Variants in RBFOX1 observed in about 807,000 individuals in gnomAD.
RBFOX1 encodes the protein RNA binding protein fox-1 homolog 1.
In RBFOX1, 8 loss-of-function variants were observed where a neutral mutation model predicts 57.7. The ratio of observed to expected loss-of-function variants is 0.14; its 90% CI spans 0.08 to 0.25. RBFOX1 has a LOEUF of 0.25. RBFOX1 is among the 10% of genes least tolerant of loss of function. The pLI is 1.00. For missense variants in RBFOX1, 611 were observed against 548.5 expected, an observed-to-expected ratio of 1.11 and a Z score of -1.14; for synonymous variants, 326 against 222.4, an observed-to-expected ratio of 1.47 and a Z score of -4.15.
At chr16:6,425,568 A>G (rs2093901823) in intron 2 of RBFOX1, among the ~76,000 whole-genome samples, 1 of 152,130 alleles carries the variant, frequency 6.6e-6, no homozygotes, top group Non-Finnish European at 1.5e-5. Context: ...CTACCAAAGA[A>G]AAACAAGTTT....
At chr16:7,517,465 A>G (rs1174219559) in intron 4 of RBFOX1, among the ~76,000 whole-genome samples, 2 of 151,888 alleles carry the variant, frequency 1.3e-5, no homozygotes, top group African/African-American at 4.8e-5. Context: ...GTCAGAGAGG[A>G]CAGTCTTTGT....
chr16:5,599,502 G>C (rs753984177), exon 3 of RBFOX1: 3 of 450,670 alleles, frequency 6.7e-6, no homozygotes, highest in East Asian at 7.5e-5. Flanking sequence ...TCCCTGCACA[G>C]ATACTTCTGA....
upstream of RBFOX1, among the ~76,000 whole-genome samples, chr16:6,014,122 AAAAAAT>A (rs1383189016): frequency 1.3e-5 from 2 of 152,220 alleles, no homozygotes; most frequent in African/African-American, 4.8e-5. Context: ...TAAAAAAATT[AAAAAAT>A]AAAAAGGAAA....
chr16:6,533,232 T>C (rs999878235), intron 2 of RBFOX1, among the ~76,000 whole-genome samples: 8 of 152,236 alleles, frequency 5.3e-5, no homozygotes, highest in African/African-American at 1.7e-4. Flanking sequence ...GGATTCTTGA[T>C]TGTCTGCAAC....
At chr16:6,868,002 G>A (rs926787336) in intron 3 of RBFOX1, among the ~76,000 whole-genome samples, 2 of 152,140 alleles carry the variant, frequency 1.3e-5, no homozygotes, top group African/African-American at 2.4e-5. Flanking sequence ...TTTCTGAGAA[G>A]CTGAAACTAC....
intron 10 of RBFOX1, among the ~76,000 whole-genome samples, chr16:7,610,858 G>A (rs954470305): frequency 2.0e-5 from 3 of 152,136 alleles, no homozygotes; most frequent in South Asian, 2.1e-4. Context: ...TTACTGTCAC[G>A]CATCTACAGA....
intron 3 of RBFOX1, among the ~76,000 whole-genome samples, chr16:6,939,649 T>C (rs1263820249): frequency 1.3e-5 from 2 of 151,992 alleles, no homozygotes; most frequent in East Asian, 1.9e-4. Flanking sequence ...GTAGCTGCGA[T>C]TACAGCCGTG....
At chr16:6,111,640 G>A (rs2096447883) in intron 1 of RBFOX1, among the ~76,000 whole-genome samples, 1 of 152,172 alleles carries the variant, frequency 6.6e-6, no homozygotes, top group African/African-American at 2.4e-5. Context: ...AGTCATTGGC[G>A]GTAACAGGAT....
chr16:6,081,285 C>A (rs750279217), intron 1 of RBFOX1, among the ~76,000 whole-genome samples: 1 of 152,188 alleles, frequency 6.6e-6, no homozygotes, highest in Non-Finnish European at 1.5e-5. Context: ...GATCATCTCT[C>A]ATTGGACAAG....
chr16:7,236,075 C>G (rs1257380819), intron 4 of RBFOX1, among the ~76,000 whole-genome samples: 1 of 152,174 alleles, frequency 6.6e-6, no homozygotes, highest in Non-Finnish European at 1.5e-5. Context: ...TATTGTCTAT[C>G]TGGACTTAGC....
intron 4 of RBFOX1, among the ~76,000 whole-genome samples, chr16:7,408,582 A>G (rs2098385365): frequency 6.6e-6 from 1 of 152,184 alleles, no homozygotes; most frequent in Non-Finnish European, 1.5e-5. Context: ...CTGATAACTG[A>G]CTTGATAATT....
chr16:6,214,954 G>A (rs1297541147), intron 1 of RBFOX1, among the ~76,000 whole-genome samples: 2 of 131,910 alleles, frequency 1.5e-5, no homozygotes, highest in Admixed American at 7.5e-5. Flanking sequence ...GAGAGGGAGA[G>A]AGGGAGAGGG....
chr16:7,544,219 T>C (rs1201670658), intron 5 of RBFOX1, among the ~76,000 whole-genome samples: 2 of 152,192 alleles, frequency 1.3e-5, no homozygotes, highest in African/African-American at 4.8e-5. Context: ...AGTTACTTGA[T>C]GGTGATGTCT....
intron 14 of RBFOX1, chr16:7,693,376 C>T (rs1212697961): frequency 2.5e-6 from 4 of 1,581,264 alleles, no homozygotes; most frequent in Admixed American, 3.4e-5. Context: ...AGGTAACAAA[C>T]GTTGCTACTT....
In RBFOX1 at chr16:5,293,319, G is replaced by C. The variant is rs150895842; in HGVS notation, c.219+53214G>C. On this transcript the variant is annotated intron_variant, in intron 1 of 2. Transcript: ENST00000585867. Reference sequence around the variant, plus strand: ...GGCTGAAGATAAAATCGGTCACGCTGTGTTGAGATTGGGGTTGCTGTTATC... The same window carrying C: ...GGCTGAAGATAAAATCGGTCACGCTCTGTTGAGATTGGGGTTGCTGTTATC... Among the ~76,000 whole-genome samples, 146 of 152,268 alleles carry C rather than the reference G, an allele frequency of 9.6e-4. 1 individual carries two copies. Among genetic ancestry groups the C allele is most frequent in the African/African-American group, 3.4e-3 (142 of 41,542 alleles).
At position 6,662,138 on chromosome 16, in the gene RBFOX1, G is replaced by GA. The variant is rs35266816; in HGVS notation, c.-16+7496dup. Among the ~76,000 whole-genome samples, 9 of 148,946 alleles carry GA rather than the reference G, an allele frequency of 6.0e-5. No homozygotes were observed. In the Middle Eastern group the frequency reaches 0.01, roughly 172 times the overall value. On this transcript the variant is annotated intron_variant, in intron 3 of 15. Transcript: ENST00000550418. ...GGTTGCCGAGGGCTGGGGGCGGGGT[G>GA]AAAAAAAAGGGAGGATCTTGGTCAA...
chr16:5,821,378 C>G (rs536744433), intron 3 of RBFOX1, among the ~76,000 whole-genome samples: 2 of 149,014 alleles, frequency 1.3e-5, no homozygotes, highest in African/African-American at 2.5e-5. Flanking sequence ...TTACGGCTCA[C>G]TGTAGCCTTT....
At chr16:5,639,449 C>A (rs977967791) in intron 3 of RBFOX1, among the ~76,000 whole-genome samples, 2 of 152,014 alleles carry the variant, frequency 1.3e-5, no homozygotes. Flanking sequence ...TGATATGAAT[C>A]AAGACTTCTT....
chr16:7,503,187 T>C (rs1439404670), intron 4 of RBFOX1, among the ~76,000 whole-genome samples: 1 of 152,236 alleles, frequency 6.6e-6, no homozygotes, highest in Non-Finnish European at 1.5e-5. Context: ...CTTTCGTTAG[T>C]GTGACTTAAT....
Sources: gnomAD v4.1 joint callset for allele counts (sites outside exome capture counted in the v4.1 genomes callset) on GRCh38, gnomAD v4.1.1 for gene constraint, MANE v1.5 for transcripts, NCBI Gene and HGNC (gene_info 2026-07-23, HGNC 2026-07-21) for gene names.